Variants in FGGY observed in about 807,000 individuals in gnomAD.
FGGY encodes the protein FGGY carbohydrate kinase domain containing, also known as FGGY carbohydrate kinase domain-containing protein.
In FGGY, 72 loss-of-function variants were observed where a neutral mutation model predicts 71.3. The observed-to-expected ratio is 1.01, with a 90% CI of 0.84 to 1.23. The LOEUF is 1.23. FGGY is among the 50% of genes most tolerant of loss of function. The pLI is 0.00. For missense variants in FGGY, 668 were observed against 682.3 expected, an observed-to-expected ratio of 0.98 and a Z score of 0.23; for synonymous variants, 251 against 250.3, an observed-to-expected ratio of 1.00 and a Z score of -0.02.
chr1:59,762,118 C>T (rs568424729), intron 15 of FGGY, among the ~76,000 whole-genome samples: 8 of 148,412 alleles, frequency 5.4e-5, no homozygotes, highest in Non-Finnish European at 8.9e-5. Context: ...CAGGCTGGAG[C>T]GAAGTGGTGC....
At chr1:59,394,511 T>C (rs1460300602) in intron 5 of FGGY, among the ~76,000 whole-genome samples, 1 of 152,198 alleles carries the variant, frequency 6.6e-6, no homozygotes, top group East Asian at 1.9e-4. Flanking sequence ...TTATATTTCA[T>C]GGGCTTGTTG....
chr1:59,534,521 C>T (rs2095257615), intron 7 of FGGY, among the ~76,000 whole-genome samples: 1 of 151,890 alleles, frequency 6.6e-6, no homozygotes, highest in Non-Finnish European at 1.5e-5. Context: ...CTCCAAGACA[C>T]ATAATTGTCA....
intron 5 of FGGY, among the ~76,000 whole-genome samples, chr1:59,442,293 T>C (rs2070115314): frequency 6.6e-6 from 1 of 152,216 alleles, no homozygotes; most frequent in Non-Finnish European, 1.5e-5. Context: ...TCATGTTTTT[T>C]ACCTTAATAG....
chr1:59,712,055 G>C (rs1261356925), intron 14 of FGGY, among the ~76,000 whole-genome samples: 1 of 152,144 alleles, frequency 6.6e-6, no homozygotes, highest in Admixed American at 6.5e-5. Context: ...TCAAAAGCAA[G>C]TTAGTTACTT....
chr1:59,563,823 G>T (rs537198939), intron 8 of FGGY, among the ~76,000 whole-genome samples: 12 of 152,210 alleles, frequency 7.9e-5, no homozygotes, highest in East Asian at 1.9e-4. Flanking sequence ...AAACAGTATG[G>T]TACTGGTACC....
chr1:59,679,219 T>C (rs1264643204), intron 14 of FGGY, among the ~76,000 whole-genome samples: 2 of 152,216 alleles, frequency 1.3e-5, no homozygotes, highest in African/African-American at 4.8e-5. Flanking sequence ...GGGCCAGTTA[T>C]ACTCATCACC....
intron 14 of FGGY, among the ~76,000 whole-genome samples, chr1:59,682,650 C>G (rs1573119849): frequency 6.6e-6 from 1 of 152,208 alleles, no homozygotes; most frequent in Non-Finnish European, 1.5e-5. Flanking sequence ...TCCTGCCTGC[C>G]TCACCATTGG....
intron 4 of FGGY, among the ~76,000 whole-genome samples, chr1:59,374,618 G>A (rs1315618091): frequency 2.0e-5 from 3 of 151,902 alleles, no homozygotes; most frequent in Non-Finnish European, 4.4e-5. Context: ...TGTTTATTGC[G>A]GCACTGTTCA....
At chr1:59,662,319 C>CA (rs372754171) in intron 12 of FGGY, among the ~76,000 whole-genome samples, 18,175 of 100,906 alleles carry the variant, frequency 0.18, 1,555 homozygotes, top group Admixed American at 0.3. Flanking sequence ...GACTCCATCT[C>CA]AAAAAAAAAA....
At chr1:59,673,253 T>C (rs1315926913) in intron 13 of FGGY, among the ~76,000 whole-genome samples, 1 of 152,160 alleles carries the variant, frequency 6.6e-6, no homozygotes, top group African/African-American at 2.4e-5. Flanking sequence ...TAATTTTAAA[T>C]CTGATGGCCA....
chr1:59,460,647 C>A (rs191150128), intron 6 of FGGY, among the ~76,000 whole-genome samples: 24 of 152,332 alleles, frequency 1.6e-4, no homozygotes, highest in African/African-American at 5.8e-4. Flanking sequence ...AGACACCTCC[C>A]AGTAGGGGCC....
intron 14 of FGGY, among the ~76,000 whole-genome samples, chr1:59,736,315 C>T (rs1329080108): frequency 1.3e-5 from 2 of 152,056 alleles, no homozygotes; most frequent in African/African-American, 4.8e-5. Flanking sequence ...TGGGGCACTG[C>T]TGAAACGATA....
chr1:59,495,333 T>C (rs916952750), intron 6 of FGGY, among the ~76,000 whole-genome samples: 1 of 152,154 alleles, frequency 6.6e-6, no homozygotes, highest in Non-Finnish European at 1.5e-5. Flanking sequence ...CTTTTTAGTT[T>C]AATTAGGCCC....
chr1:59,681,970 G>A (rs2097504948), intron 14 of FGGY, among the ~76,000 whole-genome samples: 2 of 152,136 alleles, frequency 1.3e-5, no homozygotes, highest in African/African-American at 2.4e-5. Flanking sequence ...CCTAACAGAG[G>A]TATTTGATCC....
At chr1:59,467,118 T>C (rs567798976) in intron 6 of FGGY, among the ~76,000 whole-genome samples, 2 of 152,260 alleles carry the variant, frequency 1.3e-5, no homozygotes, top group East Asian at 1.9e-4. Flanking sequence ...CCACCAATGA[T>C]AGACTGAATT....
intron 10 of FGGY, among the ~76,000 whole-genome samples, chr1:59,630,430 G>A (rs1006843492): frequency 8.5e-5 from 13 of 152,100 alleles, no homozygotes; most frequent in African/African-American, 3.1e-4. Context: ...CAAGGACAGG[G>A]ACTGTGAATT....
intron 7 of FGGY, among the ~76,000 whole-genome samples, chr1:59,540,453 A>T (rs181310293): frequency 6.6e-6 from 1 of 152,320 alleles, no homozygotes; most frequent in Admixed American, 6.5e-5. Context: ...TCTCACAAAC[A>T]TGGGTGACTG....
chr1:59,589,349 C>T (rs191333569), intron 8 of FGGY, among the ~76,000 whole-genome samples: 2,585 of 152,230 alleles, frequency 0.017, 46 homozygotes, highest in Non-Finnish European at 0.027. Flanking sequence ...GAGACTTTAA[C>T]ACCCCACTGT....
At chr1:59,369,575 G>A (rs1021953317) in intron 4 of FGGY, among the ~76,000 whole-genome samples, 3 of 152,166 alleles carry the variant, frequency 2.0e-5, no homozygotes, top group Non-Finnish European at 2.9e-5. Flanking sequence ...CTCCCAGCAC[G>A]CAGCTGGAGA....
Sources: gnomAD v4.1 joint callset for allele counts (sites outside exome capture counted in the v4.1 genomes callset) on GRCh38, gnomAD v4.1.1 for gene constraint, MANE v1.5 for transcripts, NCBI Gene and HGNC (gene_info 2026-07-23, HGNC 2026-07-21) for gene names.